BBS7: variants seen among roughly 807,000 people sequenced by gnomAD.
The protein encoded by BBS7 is Bardet-Biedl syndrome 7.
BBS7 carries 50 observed loss-of-function variants against 90.3 expected under a neutral mutation model. The observed-to-expected ratio is 0.55, with a 90% CI of 0.44 to 0.70. BBS7 has a LOEUF of 0.70. BBS7 is among the 30% of genes least tolerant of loss of function. The pLI, the probability that BBS7 is intolerant of heterozygous loss-of-function variation, is 0.00. For missense variants in BBS7, 729 were observed against 838.9 expected (o/e 0.87, Z 1.62); for synonymous variants, 235 against 287.4 (o/e 0.82, Z 1.85).
chr4:121,845,687 C>T lies in BBS7; in HGVS notation c.1047G>A (p.Leu349=). 1 of 1,611,952 alleles carries T rather than the reference C, an allele frequency of 6.2e-7. No individual in the cohort carries two copies. The highest frequency in any genetic ancestry group is 8.5e-7 in the Non-Finnish European group (1 of 1,178,486). Residue 349 remains leucine, a synonymous_variant, in exon 11 of 19, where the codon TTG becomes TTA. Coordinates refer to ENST00000264499, the MANE Select transcript of BBS7 (RefSeq NM_176824.3). ...GCAATACCTTATACTGCAAATGTTC[C>T]AACTCATTCCTGGAGAAAAACACAT... ...QNKISSLRNE[L]EHLQYKVLQE...
chr4:121,826,501 C>T (rs1164659434), intron 18 of BBS7, among the ~76,000 whole-genome samples: 2 of 152,168 alleles, frequency 1.3e-5, no homozygotes, highest in Non-Finnish European at 2.9e-5. Flanking sequence ...TTCAAGCTGT[C>T]AATCCTTTAT....
Position 121,849,512 on chromosome 4 carries a change from A to G in BBS7, c.850-584T>C, listed in dbSNP as rs554279355. Among the ~76,000 whole-genome samples the G allele has an allele frequency of 3.5e-4, 54 of 152,276 alleles. No individual in the cohort carries two copies. The East Asian group carries it at 7.4e-3, about 21-fold the overall frequency. On this transcript the variant is annotated intron_variant, in intron 8 of 18. Transcript: ENST00000264499. ...CACAGCGCCCCGCCAGTTTATTTTT[A>G]TAAAGAAAGGTTTTTTAAAAACTTA...
intron 12 of BBS7, 113 bp downstream of exon 12, chr4:121,843,814 A>G (rs1022482351): frequency 2.6e-6 from 2 of 762,144 alleles, no homozygotes; most frequent in East Asian, 2.7e-5. Flanking sequence ...GAAAGGTTAC[A>G]TAAGAAATAA....
rs1357033209 is a variant in BBS7 at position 121,835,294 on chromosome 4, A to G, written c.1372-11T>C. The G allele has an allele frequency of 3.7e-6, 6 of 1,613,356 alleles. No individual in the cohort carries two copies. The highest frequency in any genetic ancestry group is 4.2e-6 in the Non-Finnish European group (5 of 1,179,542). Reference sequence around the variant, plus strand: ...TTCAATTGAGCGAATCTGATTCAACACAAAAGAGGAAATAAAATAAGAATA... The same window carrying G: ...TTCAATTGAGCGAATCTGATTCAACGCAAAAGAGGAAATAAAATAAGAATA... On this transcript the variant is annotated splice_polypyrimidine_tract_variant and intron_variant, in intron 13 of 18. Coordinates refer to ENST00000264499, the MANE Select transcript of BBS7 (RefSeq NM_176824.3).
intron 2 of BBS7, 39 bp downstream of exon 2, chr4:121,867,942 T>C: frequency 1.3e-6 from 2 of 1,521,362 alleles, no homozygotes; most frequent in Non-Finnish European, 1.8e-6. Flanking sequence ...CCTCTGTCAC[T>C]GCTAGGGAAT....
chr4:121,833,315 A>T lies in BBS7; in HGVS notation c.1592T>A (p.Val531Asp). The part of the protein sequence containing the change: ...HSWVVFCLPE[V>D]PEKPPAGECV... ...TTCTCCTGCTGGAGGTTTTTCTGGA[A>T]CTTCAGGCAGACAAAAAACCACCCA... Residue 531 changes from valine (V) to aspartate (D), a missense_variant, in exon 15 of 19, where the codon GTT (valine) becomes GAT (aspartate). Physicochemically the swap from Val to Asp is radical, Grantham distance 152. Transcript: ENST00000264499. 1 of 1,614,006 alleles carries T rather than the reference A, an allele frequency of 6.2e-7. No homozygotes were observed. The highest frequency in any genetic ancestry group is 8.5e-7 in the Non-Finnish European group (1 of 1,179,946).
At chr4:121,830,753 C>T (rs534356221) in intron 15 of BBS7, among the ~76,000 whole-genome samples, 1 of 152,308 alleles carries the variant, frequency 6.6e-6, no homozygotes, top group East Asian at 1.9e-4. Context: ...TTCTACACTA[C>T]CTCCATACAC....
chr4:121,834,202 T>G (rs1264300704), intron 14 of BBS7, among the ~76,000 whole-genome samples: 1 of 152,224 alleles, frequency 6.6e-6, no homozygotes, highest in Non-Finnish European at 1.5e-5. Context: ...TCCTGTCATT[T>G]GCAGATGAAA....
chr4:121,868,683 TCAAAAAAAAA>T (rs1560672259), intron 1 of BBS7, among the ~76,000 whole-genome samples: 1 of 17,600 alleles, frequency 5.7e-5, no homozygotes, highest in African/African-American at 4.4e-4. Context: ...AGACCCTGTT[TCAAAAAAAAA>T]AAAAAAAAAA....
intron 12 of BBS7, 126 bp from the exon 13 acceptor site, chr4:121,839,822 A>C: frequency 1.3e-6 from 1 of 766,712 alleles, no homozygotes; most frequent in Non-Finnish European, 2.2e-6. Context: ...CGCTTTTCAA[A>C]CATGTTCTAA....
At position 121,870,446 on chromosome 4, in the gene BBS7, G is replaced by C. The variant is rs2271176; in HGVS notation, c.-133C>G. On this transcript the variant is annotated 5_prime_UTR_variant, in exon 1 of 19. Transcript: ENST00000264499. Reference sequence around the variant, plus strand: ...AGCCAGCCCCAGCTACCGCGCCTAGGTCCTGGGCTGCACAGGCGGGGCGAC... The same window carrying C: ...AGCCAGCCCCAGCTACCGCGCCTAGCTCCTGGGCTGCACAGGCGGGGCGAC... The C allele has an allele frequency of 0.37, 366,557 of 981,464 alleles. 71,406 individuals carry two copies. Among genetic ancestry groups the C allele is most frequent in the East Asian group, 0.49 (19,129 of 38,940 alleles). The allele number at this position is 981,464 out of a possible 1,614,324, so 60.8% of individuals were successfully genotyped here. A position where few individuals can be genotyped will look rare whatever the true frequency, so the allele number is the denominator to read the frequency against.
Position 121,833,309 on chromosome 4 carries a change from TC to T in BBS7, c.1597del (p.Glu533LysfsTer9). 2.5e-6 allele frequency: 4 copies of T among 1,614,042 alleles called. No homozygotes were observed. Among genetic ancestry groups the T allele is most frequent in the Non-Finnish European group, 3.4e-6 (4 of 1,179,946 alleles). On this transcript the variant is annotated frameshift_variant, in exon 15 of 19. Coordinates refer to ENST00000264499, the MANE Select transcript of BBS7 (RefSeq NM_176824.3). LOFTEE classifies it high-confidence loss of function. ...WVVFCLPEVP[E>X]KPPAGECVTF... ...CACACATTCTCCTGCTGGAGGTTTT[TC>T]TGGAACTTCAGGCAGACAAAAAACC... is the stretch of plus-strand genomic sequence containing the variant.
At position 121,852,973 on chromosome 4, in the gene BBS7, C is replaced by T. The variant is rs780044351; in HGVS notation, c.832G>A (p.Val278Ile). 6.2e-7 allele frequency: 1 copy of T among 1,613,630 alleles called. No homozygotes were observed. The highest frequency in any genetic ancestry group is 1.1e-5 in the South Asian group (1 of 91,062). The change falls in exon 8 of 19, where the codon GTT becomes ATT. Residue 278 changes from valine (V) to isoleucine (I), a missense_variant. Coordinates refer to ENST00000264499, the MANE Select transcript of BBS7 (RefSeq NM_176824.3). Reference protein sequence around the residue: ...VYSFDNANEPVLRFDQMLSES... With the variant: ...VYSFDNANEPILRFDQMLSES... ...GAACTTACCTGATCAAATCGTAGAA[C>T]AGGTTCATTTGCATTATCAAAACTA...
In BBS7 at chr4:121,833,257, T is replaced by C. The variant is rs751916131; in HGVS notation, c.1650A>G (p.Leu550=). 4.3e-6 allele frequency: 7 copies of C among 1,614,008 alleles called. No individual in the cohort carries two copies. The highest frequency in any genetic ancestry group is 5.9e-6 in the Non-Finnish European group (7 of 1,179,914). Residue 550 remains leucine, a synonymous_variant, in exon 15 of 19, where the codon CTA becomes CTG. Coordinates refer to ENST00000264499, the MANE Select transcript of BBS7 (RefSeq NM_176824.3). ...TGTAGGTACTTTCAAGTTGTGTATC[T>C]AGAAAGGTGTTCTGAAAGTAAAATG... The part of the protein sequence containing the change: ...CVTFYFQNTF[L]DTQLESTYRK...
At position 121,870,334 on chromosome 4, in the gene BBS7, A is replaced by T. The variant is rs775310534; in HGVS notation, c.-21T>A. The T allele has an allele frequency of 6.2e-7, 1 of 1,614,106 alleles. No individual in the cohort carries two copies. The highest frequency in any genetic ancestry group is 8.5e-7 in the Non-Finnish European group (1 of 1,179,966). On this transcript the variant is annotated 5_prime_UTR_variant, in exon 1 of 19. Coordinates refer to ENST00000264499, the MANE Select transcript of BBS7 (RefSeq NM_176824.3). Reference sequence around the variant, plus strand: ...TCCATGATGACTACGCGGAGGGGCTAAGCAGCGCCGGACAAGAACAGGAGG... The same window carrying T: ...TCCATGATGACTACGCGGAGGGGCTTAGCAGCGCCGGACAAGAACAGGAGG...
chr4:121,868,120 C>T (rs1157677241), intron 1 of BBS7, 74 bp from the exon 2 acceptor site: 2 of 1,231,220 alleles, frequency 1.6e-6, no homozygotes, highest in Admixed American at 3.4e-5. Context: ...TTATAGTGAA[C>T]CTTTTTGTTA....
chr4:121,833,490 A>G (rs1471313633), intron 14 of BBS7, 95 bp from the exon 15 acceptor site: 1 of 1,109,476 alleles, frequency 9.0e-7, no homozygotes, highest in Non-Finnish European at 1.4e-6. Context: ...AATAGTTGTT[A>G]AATATAAATG....
intron 6 of BBS7, 55 bp from the exon 7 acceptor site, chr4:121,854,875 T>A: frequency 6.8e-7 from 1 of 1,469,736 alleles, no homozygotes; most frequent in Non-Finnish European, 9.4e-7. Context: ...GTAATCTCTT[T>A]AAAATTAAAA....
chr4:121,831,757 T>A (rs1725193761), intron 15 of BBS7, among the ~76,000 whole-genome samples: 1 of 152,146 alleles, frequency 6.6e-6, no homozygotes, highest in African/African-American at 2.4e-5. Context: ...TCTGAAGAGT[T>A]CTTGGTTCTA....
Sources: gnomAD v4.1 joint callset for allele counts (sites outside exome capture counted in the v4.1 genomes callset) on GRCh38, gnomAD v4.1.1 for gene constraint, MANE v1.5 for transcripts, NCBI Gene and HGNC (gene_info 2026-07-23, HGNC 2026-07-21) for gene names.